Variants in ZNF462 observed in about 807,000 individuals in gnomAD.
The protein encoded by ZNF462 is zinc finger PBX1-interacting protein.
A neutral mutation model predicts 201.9 loss-of-function variants in ZNF462; 10 were observed. The observed-to-expected ratio is 0.05, with a 90% confidence interval of 0.03 to 0.08. The LOEUF is 0.08. ZNF462 is among the 10% of genes least tolerant of loss of function. The probability of loss-of-function intolerance (pLI) is 1.00; values close to 1 mark genes in which losing one functional copy is unlikely to be tolerated. For missense variants in ZNF462, 2,523 were observed against 3,168.3 expected (o/e 0.80, Z 4.89); for synonymous variants, 1,227 against 1,193.3 (o/e 1.03, Z -0.58).
intron 1 of ZNF462, among the ~76,000 whole-genome samples, chr9:106,892,975 C>T (rs998156014): frequency 2.0e-5 from 3 of 152,190 alleles, no homozygotes; most frequent in Admixed American, 6.5e-5. Flanking sequence ...GAAGATGACA[C>T]AGGTGACATA....
chr9:106,919,545 CTT>C lies in ZNF462; in HGVS notation c.-30-3807_-30-3806del, dbSNP rs1829905890. ...ATCTTTGACATCATCTCTGGATGTT[CTT>C]TATATCTTAAAGAGTTTGTCAAACA... On this transcript the variant is annotated intron_variant, in intron 1 of 12. Coordinates refer to ENST00000277225, the MANE Select transcript of ZNF462 (RefSeq NM_021224.6). This position sits in a 1 kb window ranked among gnomAD's most constrained non-coding sequence, Gnocchi z 4.5. Among the ~76,000 whole-genome samples, 1 of 152,150 alleles carries C rather than the reference CTT, an allele frequency of 6.6e-6. No individual in the cohort carries two copies. The highest frequency in any genetic ancestry group is 2.4e-5 in the African/African-American group (1 of 41,434).
intron 1 of ZNF462, among the ~76,000 whole-genome samples, chr9:106,912,802 T>C (rs1455029026): frequency 6.6e-6 from 1 of 152,192 alleles, no homozygotes; most frequent in African/African-American, 2.4e-5. Context: ...AGTAGAGTCT[T>C]CTCTTTGACT....
In ZNF462 at chr9:106,928,318, C is replaced by G; in HGVS notation, c.4406C>G (p.Pro1469Arg). The change falls in exon 3 of 13, where the codon CCA becomes CGA. Residue 1469 changes from proline (P) to arginine (R), a missense_variant. Transcript: ENST00000277225. The surrounding 1 kb of genome is among the most constrained non-coding windows in gnomAD (Gnocchi z 9.3). The part of the protein sequence containing the change: ...ASANPAISST[P>R]YQCTVCQSEY... ...GCCAACCCCGCCATATCCTCCACCC[C>G]ATACCAGTGCACGGTATGCCAATCT... 6.2e-7 allele frequency: 1 copy of G among 1,614,164 alleles called. No individual in the cohort carries two copies. Among genetic ancestry groups the G allele is most frequent in the Non-Finnish European group, 8.5e-7 (1 of 1,180,028 alleles).
At chr9:106,969,399 G>A (rs563113923) in intron 7 of ZNF462, among the ~76,000 whole-genome samples, 14 of 152,248 alleles carry the variant, frequency 9.2e-5, no homozygotes, top group African/African-American at 3.1e-4. Flanking sequence ...TATAGAATTT[G>A]TTTTTTGAGA....
At position 106,968,880 on chromosome 9, in the gene ZNF462, T is replaced by A. The variant is rs1407821100; in HGVS notation, c.6428-3125T>A. Reference sequence around the variant, plus strand: ...GTGACATGCCCTTCGCAGCTAACAATCTGTTTGCCTTTCTAACCTGGGCAC... The same window carrying A: ...GTGACATGCCCTTCGCAGCTAACAAACTGTTTGCCTTTCTAACCTGGGCAC... On this transcript the variant is annotated intron_variant, in intron 7 of 12. Coordinates refer to ENST00000277225, the MANE Select transcript of ZNF462 (RefSeq NM_021224.6). This position sits in a 1 kb window ranked among gnomAD's most constrained non-coding sequence, Gnocchi z 4.0. 2.0e-5 allele frequency among the ~76,000 whole-genome samples: 3 copies of A among 152,220 alleles called. No homozygotes were observed. The highest frequency in any genetic ancestry group is 7.2e-5 in the African/African-American group (3 of 41,456).
At chr9:106,986,370 T>A (rs1827831741) in intron 10 of ZNF462, among the ~76,000 whole-genome samples, 1 of 152,194 alleles carries the variant, frequency 6.6e-6, no homozygotes, top group Non-Finnish European at 1.5e-5. Flanking sequence ...TTACTTAAAT[T>A]TCTGGGTCTG....
intron 7 of ZNF462, among the ~76,000 whole-genome samples, chr9:106,949,806 A>G (rs750326077): frequency 2.0e-5 from 3 of 152,212 alleles, no homozygotes; most frequent in Admixed American, 6.5e-5. Context: ...TGGAATTACA[A>G]TAGACTAGAC....
intron 1 of ZNF462, among the ~76,000 whole-genome samples, chr9:106,882,453 A>G (rs1333006517): frequency 6.6e-6 from 1 of 152,252 alleles, no homozygotes; most frequent in Non-Finnish European, 1.5e-5. Context: ...ATAGCATTCA[A>G]TTAAAAAATG....
chr9:106,863,596 G>C (rs1442143924), intron 1 of ZNF462, among the ~76,000 whole-genome samples: 1 of 151,400 alleles, frequency 6.6e-6, no homozygotes. Flanking sequence ...GGAGAAGCGA[G>C]GGAGGAAGAG....
At chr9:106,999,273 C>G (rs147946710) in intron 10 of ZNF462, among the ~76,000 whole-genome samples, 3,070 of 152,182 alleles carry the variant, frequency 0.02, 97 homozygotes, top group African/African-American at 0.07. Context: ...TATTCAAATA[C>G]CCACCAATCT....
chr9:106,862,064 T>A (rs1827082755), upstream of ZNF462, among the ~76,000 whole-genome samples: 1 of 152,028 alleles, frequency 6.6e-6, no homozygotes, highest in Non-Finnish European at 1.5e-5. This position sits in a 1 kb window ranked among gnomAD's most constrained non-coding sequence, Gnocchi z 4.2. Flanking sequence ...TGGGCTCTTT[T>A]CCTCCTCCAC....
At chr9:106,863,822 G>A (rs186788414) in intron 1 of ZNF462, among the ~76,000 whole-genome samples, 2 of 152,038 alleles carry the variant, frequency 1.3e-5, no homozygotes, top group East Asian at 2.0e-4. Flanking sequence ...AGGGACAGAG[G>A]GGGGCGGAGG....
chr9:106,931,972 A>G (rs1473968183), intron 4 of ZNF462, among the ~76,000 whole-genome samples: 1 of 152,118 alleles, frequency 6.6e-6, no homozygotes, highest in Non-Finnish European at 1.5e-5. Flanking sequence ...TTCTTTTAAG[A>G]TGGGGAAGAA....
chr9:106,952,858 A>G (rs1831412035), intron 7 of ZNF462, among the ~76,000 whole-genome samples: 1 of 152,148 alleles, frequency 6.6e-6, no homozygotes, highest in African/African-American at 2.4e-5. Flanking sequence ...GAAGGAGGAA[A>G]ATAGGCTTAA....
intron 7 of ZNF462, among the ~76,000 whole-genome samples, chr9:106,956,489 G>A (rs1588114806): frequency 6.6e-6 from 1 of 152,182 alleles, no homozygotes; most frequent in East Asian, 1.9e-4. Context: ...TTTTTGAATG[G>A]GAAAAGCACT....
At chr9:106,873,648 G>A (rs1337960643) in intron 1 of ZNF462, among the ~76,000 whole-genome samples, 2 of 152,176 alleles carry the variant, frequency 1.3e-5, no homozygotes, top group African/African-American at 4.8e-5. Context: ...TGATCACCAT[G>A]TGCTCTATTT....
Position 106,917,647 on chromosome 9 carries a change from C to T in ZNF462, c.-30-5707C>T, listed in dbSNP as rs752529500. 6.6e-6 allele frequency among the ~76,000 whole-genome samples: 1 copy of T among 152,130 alleles called. No homozygotes were observed. The highest frequency in any genetic ancestry group is 2.1e-4 in the South Asian group (1 of 4,830). On this transcript the variant is annotated intron_variant, in intron 1 of 12. Transcript: ENST00000277225. The surrounding 1 kb of genome is among the most constrained non-coding windows in gnomAD (Gnocchi z 4.5). ...TATTTATCCTCCCTGATATGTTAAA[C>T]CTTTCATTAGTGTGGTGAATTGCCA...
chr9:106,881,104 G>C (rs1451585021), intron 1 of ZNF462, among the ~76,000 whole-genome samples: 1 of 152,218 alleles, frequency 6.6e-6, no homozygotes, highest in Non-Finnish European at 1.5e-5. Context: ...ACAGTTGGCA[G>C]GAGGACCTGC....
At position 106,989,439 on chromosome 9, in the gene ZNF462, C is replaced by A. The variant is rs528697551; in HGVS notation, c.7056+5030C>A. Among the ~76,000 whole-genome samples the A allele has an allele frequency of 2.0e-5, 3 of 152,130 alleles. No individual in the cohort carries two copies. The South Asian group carries it at 6.2e-4, about 32-fold the overall frequency. ...TTGATATGTTGTTGAGTTTGGTTAG[C>A]TAGTATTTTGTTAAGGATTTTAGTG... On this transcript the variant is annotated intron_variant, in intron 10 of 12. Transcript: ENST00000277225.
Sources: gnomAD v4.1 joint callset for allele counts (sites outside exome capture counted in the v4.1 genomes callset) on GRCh38, gnomAD v4.1.1 for gene constraint, Gnocchi (gnomAD v3.1) non-coding constraint, MANE v1.5 for transcripts, NCBI Gene and HGNC (gene_info 2026-07-23, HGNC 2026-07-21) for gene names.